The following THSD7B variants were observed in gnomAD, a reference collection of about 807,000 sequenced individuals.
THSD7B encodes the protein thrombospondin type 1 domain containing 7B.
In THSD7B, 138 loss-of-function variants were observed where a neutral mutation model predicts 213.6. The observed-to-expected ratio is 0.65, with a 90% CI of 0.56 to 0.74. The LOEUF (loss-of-function observed/expected upper bound fraction) is 0.74, where lower values mean the gene tolerates loss of function less well. Ranked by LOEUF, THSD7B falls within the 30% of genes least tolerant of loss-of-function variation. The pLI is 0.00. For synonymous variants in THSD7B, 742 were observed against 687.0 expected, an observed-to-expected ratio of 1.08 and a Z score of -1.25; for missense variants, 1,931 against 1,991.5, an observed-to-expected ratio of 0.97 and a Z score of 0.58.
At chr2:137,000,705 C>A (rs1685984677) in intron 2 of THSD7B, among the ~76,000 whole-genome samples, 1 of 152,040 alleles carries the variant, frequency 6.6e-6, no homozygotes, top group South Asian at 2.1e-4. Flanking sequence ...GTTCTGTAGT[C>A]TATACTAATT....
chr2:137,056,531 G>A lies in THSD7B; in HGVS notation c.251G>A (p.Ser84Asn), dbSNP rs1387456355. ...WTSHLSNCGE[S>N]NRPPKERSCF... is the part of the protein sequence containing the mutation. ...AGTCACCTGTCTAACTGTGGTGAGA[G>A]CAACAGGCCTCCAAAGGAAAGAAGT... Residue 84 changes from serine to asparagine, a missense_variant, in exon 3 of 28, where the codon AGC (serine) becomes AAC (asparagine). By Grantham distance (46) the Ser-to-Asn change is conservative (BLOSUM62 1). Transcript: ENST00000409968. The A allele has an allele frequency of 1.2e-6, 2 of 1,613,970 alleles. No homozygotes were observed. The highest frequency in any genetic ancestry group is 2.2e-5 in the South Asian group (2 of 91,082).
chr2:137,315,567 C>T (rs1021978296), intron 12 of THSD7B, among the ~76,000 whole-genome samples: 2 of 152,112 alleles, frequency 1.3e-5, no homozygotes, highest in African/African-American at 4.8e-5. Context: ...AAACGTTTTT[C>T]AGTAGCGTCT....
At chr2:136,851,040 A>G (rs1224923550) in intron 1 of THSD7B, among the ~76,000 whole-genome samples, 2 of 152,012 alleles carry the variant, frequency 1.3e-5, no homozygotes. Context: ...TAATTTTTCT[A>G]TTATTCTGGT....
At chr2:136,984,486 T>C (rs544369416) in intron 2 of THSD7B, among the ~76,000 whole-genome samples, 94 of 152,340 alleles carry the variant, frequency 6.2e-4, no homozygotes, top group African/African-American at 2.1e-3. Context: ...TTCCTAGCTT[T>C]GCCCTTTGCT....
chr2:137,222,405 A>G (rs5017815), intron 7 of THSD7B, among the ~76,000 whole-genome samples: 151,768 of 152,352 alleles, frequency 1, 75,599 homozygotes, highest in Middle Eastern at 1. Flanking sequence ...TTTTGAAGAA[A>G]CATTTCCTAC....
At chr2:136,854,977 C>A (rs1332050839) in intron 1 of THSD7B, among the ~76,000 whole-genome samples, 6 of 152,102 alleles carry the variant, frequency 3.9e-5, no homozygotes, top group Admixed American at 3.9e-4. Flanking sequence ...CTTTCCCAGG[C>A]ACTGGCTTCA....
Position 137,642,540 on chromosome 2 carries a change from G to T in THSD7B, c.3852G>T (p.Arg1284=). The change falls in exon 21 of 28, where the codon CGG becomes CGT. Residue 1284 remains arginine, a synonymous_variant. Coordinates refer to ENST00000409968, the MANE Select transcript of THSD7B (RefSeq NM_001316349.2). ...TTATGCCAACCCAAGGAGAAGGACGGCCATGCCCCACAGAGCTTACCCAGG... is the reference window on the plus strand; with the variant it reads ...TTATGCCAACCCAAGGAGAAGGACGTCCATGCCCCACAGAGCTTACCCAGG... ...FIIMPTQGEG[R]PCPTELTQEK... 6.2e-7 allele frequency: 1 copy of T among 1,613,854 alleles called. No individual in the cohort carries two copies. The highest frequency in any genetic ancestry group is 8.5e-7 in the Non-Finnish European group (1 of 1,179,850).
At chr2:137,381,969 C>T (rs190358591) in intron 12 of THSD7B, among the ~76,000 whole-genome samples, 16 of 152,330 alleles carry the variant, frequency 1.1e-4, no homozygotes, top group Admixed American at 3.9e-4. Flanking sequence ...CCCCCACCAA[C>T]GTACGGCAAG....
chr2:136,850,247 G>T (rs1435113904), intron 1 of THSD7B, among the ~76,000 whole-genome samples: 1 of 151,928 alleles, frequency 6.6e-6, no homozygotes, highest in Non-Finnish European at 1.5e-5. Context: ...ATGCTGCATT[G>T]TATGAGTACA....
At chr2:137,648,635 C>A (rs1367510567) in intron 21 of THSD7B, among the ~76,000 whole-genome samples, 7 of 152,136 alleles carry the variant, frequency 4.6e-5, no homozygotes, top group Admixed American at 4.6e-4. Flanking sequence ...CATTGATGTG[C>A]ACTTAGGTTG....
At chr2:137,269,000 T>C (rs1249868617) in intron 10 of THSD7B, among the ~76,000 whole-genome samples, 1 of 152,262 alleles carries the variant, frequency 6.6e-6, no homozygotes, top group African/African-American at 2.4e-5. Context: ...AATTGAATGC[T>C]AAATATGTCC....
chr2:137,316,565 A>G lies in THSD7B; in HGVS notation c.2500+40539A>G, dbSNP rs1297453284. On this transcript the variant is annotated intron_variant, in intron 12 of 27. Transcript: ENST00000409968. Reference sequence around the variant, plus strand: ...TCGAGGTGGGAGGATCACGAGGTCAAGAGATCGAGACCACAGTGAAACCCT... The same window carrying G: ...TCGAGGTGGGAGGATCACGAGGTCAGGAGATCGAGACCACAGTGAAACCCT... Among the ~76,000 whole-genome samples the G allele has an allele frequency of 2.6e-5, 4 of 152,068 alleles. No individual in the cohort carries two copies. In the East Asian group the frequency reaches 5.8e-4, roughly 22 times the overall value.
intron 7 of THSD7B, among the ~76,000 whole-genome samples, chr2:137,226,990 C>T (rs1681520871): frequency 6.6e-6 from 1 of 152,046 alleles, no homozygotes; most frequent in Admixed American, 6.6e-5. Flanking sequence ...CAAAAGATCA[C>T]AAATATATAT....
At chr2:137,226,742 T>C (rs886974638) in intron 7 of THSD7B, among the ~76,000 whole-genome samples, 9 of 151,808 alleles carry the variant, frequency 5.9e-5, no homozygotes. Context: ...CCTAGATGTA[T>C]ATCCCAAATA....
intron 5 of THSD7B, among the ~76,000 whole-genome samples, chr2:137,158,020 A>G (rs558093414): frequency 1.3e-5 from 2 of 152,318 alleles, no homozygotes; most frequent in South Asian, 4.1e-4. Flanking sequence ...CTTTCTATTT[A>G]TACAATGCTC....
intron 2 of THSD7B, among the ~76,000 whole-genome samples, chr2:136,899,538 TC>T (rs1417132347): frequency 2.0e-5 from 3 of 152,196 alleles, no homozygotes; most frequent in Admixed American, 2.0e-4. Context: ...TATATTTAGG[TC>T]CCTCAATGGT....
chr2:137,369,163 A>AT (rs1210396572), intron 12 of THSD7B, among the ~76,000 whole-genome samples: 1 of 150,656 alleles, frequency 6.6e-6, no homozygotes, highest in African/African-American at 2.5e-5. Context: ...ATATATATAT[A>AT]TATATTTTTG....
intron 7 of THSD7B, among the ~76,000 whole-genome samples, chr2:137,195,421 G>GA (rs1441327779): frequency 6.6e-6 from 1 of 151,914 alleles, no homozygotes; most frequent in Admixed American, 6.6e-5. Flanking sequence ...GGGCCCCTTA[G>GA]AAAAATAGCT....
chr2:137,558,712 A>G (rs1376302210), intron 15 of THSD7B, among the ~76,000 whole-genome samples: 1 of 152,210 alleles, frequency 6.6e-6, no homozygotes, highest in Non-Finnish European at 1.5e-5. Context: ...AGTTCTGGCC[A>G]GGGCAATCAG....
Sources: gnomAD v4.1 joint callset for allele counts (sites outside exome capture counted in the v4.1 genomes callset) on GRCh38, gnomAD v4.1.1 for gene constraint, MANE v1.5 for transcripts, NCBI Gene and HGNC (gene_info 2026-07-23, HGNC 2026-07-21) for gene names.